MEIKIN: variants seen among roughly 807,000 people sequenced by gnomAD.
MEIKIN encodes the protein meiotic kinetochore factor, also known as meiosis-specific kinetochore protein.
chr5:131,907,401 A>C (rs1177358725), intron 8 of MEIKIN, among the ~76,000 whole-genome samples: 3 of 151,974 alleles, frequency 2.0e-5, no homozygotes, highest in South Asian at 4.2e-4. Context: ...TAAAAAAAAA[A>C]CTGACAAACC....
At chr5:131,943,289 T>C (rs1393077579) in intron 3 of MEIKIN, among the ~76,000 whole-genome samples, 1 of 152,164 alleles carries the variant, frequency 6.6e-6, no homozygotes, top group Non-Finnish European at 1.5e-5. Flanking sequence ...TTCATATATA[T>C]ACACACACAT....
intron 12 of MEIKIN, among the ~76,000 whole-genome samples, chr5:131,809,750 G>A (rs574565660): frequency 3.3e-5 from 5 of 150,710 alleles, no homozygotes; most frequent in Admixed American, 1.3e-4. Context: ...AGGTTGCAGT[G>A]AGCTGCCACT....
intron 12 of MEIKIN, among the ~76,000 whole-genome samples, chr5:131,811,617 T>C (rs1279893196): frequency 0.011 from 1 of 90 alleles, no homozygotes; most frequent in Non-Finnish European, 0.031. Context: ...AACTTCTTCT[T>C]TTTTTTTTTG....
intron 4 of MEIKIN, among the ~76,000 whole-genome samples, chr5:131,938,915 GAA>G (rs1382939680): frequency 6.6e-6 from 1 of 152,188 alleles, no homozygotes; most frequent in Admixed American, 6.5e-5. Flanking sequence ...GGATTTTACT[GAA>G]GAGTATTTAG....
chr5:131,894,700 T>C (rs1361368662), intron 8 of MEIKIN, among the ~76,000 whole-genome samples: 1 of 152,204 alleles, frequency 6.6e-6, no homozygotes, highest in African/African-American at 2.4e-5. Context: ...GCTCCCTGTT[T>C]GTCTGTTATT....
chr5:131,897,848 T>C (rs544045423), intron 8 of MEIKIN, among the ~76,000 whole-genome samples: 63 of 152,318 alleles, frequency 4.1e-4, no homozygotes, highest in Non-Finnish European at 7.2e-4. Context: ...GGTTAGAACA[T>C]GCTCCTTTAG....
intron 9 of MEIKIN, among the ~76,000 whole-genome samples, chr5:131,856,264 T>C (rs1369958591): frequency 3.9e-5 from 6 of 152,322 alleles, no homozygotes; most frequent in African/African-American, 1.4e-4. Context: ...AAAGAACCTA[T>C]GGTGTCTGGA....
chr5:131,865,739 T>C (rs1750372607), intron 9 of MEIKIN, among the ~76,000 whole-genome samples: 1 of 152,254 alleles, frequency 6.6e-6, no homozygotes, highest in Non-Finnish European at 1.5e-5. Flanking sequence ...CTAGAGCACA[T>C]TTGCTCTGAT....
chr5:131,871,976 T>C (rs1438323854), intron 9 of MEIKIN, among the ~76,000 whole-genome samples: 5 of 151,972 alleles, frequency 3.3e-5, no homozygotes, highest in Non-Finnish European at 7.4e-5. Flanking sequence ...AGGAAGGACA[T>C]CCACCCCAAA....
intron 6 of MEIKIN, among the ~76,000 whole-genome samples, chr5:131,917,359 C>T (rs889025271): frequency 8.6e-5 from 13 of 151,960 alleles, no homozygotes; most frequent in African/African-American, 2.4e-4. Flanking sequence ...TGAGGTCAGG[C>T]GTTCAAGACC....
intron 8 of MEIKIN, among the ~76,000 whole-genome samples, chr5:131,881,906 T>C (rs555379026): frequency 8.5e-4 from 130 of 152,308 alleles, no homozygotes; most frequent in African/African-American, 3.1e-3. Flanking sequence ...ATGTGTGTTC[T>C]TTCACAAAAC....
At chr5:131,901,240 A>C (rs1277431239) in intron 8 of MEIKIN, among the ~76,000 whole-genome samples, 1 of 152,124 alleles carries the variant, frequency 6.6e-6, no homozygotes, top group Non-Finnish European at 1.5e-5. Context: ...TGCCATTGGC[A>C]CAAAACTATA....
intron 11 of MEIKIN, among the ~76,000 whole-genome samples, chr5:131,842,506 TA>T (rs1323280488): frequency 6.6e-6 from 1 of 152,232 alleles, no homozygotes; most frequent in South Asian, 2.1e-4. Flanking sequence ...TTTTTATCAT[TA>T]AAAATTTTGG....
chr5:131,848,645 G>A lies in MEIKIN; in HGVS notation c.975+2619C>T, dbSNP rs139032230. On this transcript the variant is annotated intron_variant, in intron 11 of 12. Coordinates refer to ENST00000442687, the MANE Select transcript of MEIKIN (RefSeq NM_001303622.2). ...TCTCTAACTTTCCAAGAAGAGAAAGGAATGATTTGTAACTCATTCTATGAG... is the reference window on the plus strand; with the variant it reads ...TCTCTAACTTTCCAAGAAGAGAAAGAAATGATTTGTAACTCATTCTATGAG... Among the ~76,000 whole-genome samples the A allele has an allele frequency of 4.4e-3, 671 of 152,184 alleles. 12 individuals carry two copies. The highest frequency in any genetic ancestry group is 0.016 in the African/African-American group (652 of 41,522).
In MEIKIN at chr5:131,886,441, G is replaced by A. The variant is rs191708240; in HGVS notation, c.704-7393C>T. ...GAAAAAAGAAACACAACATACAATG[G>A]AGCTTCACTAGGAGCAGACTTTTCA... On this transcript the variant is annotated intron_variant, in intron 8 of 12. Coordinates refer to ENST00000442687, the MANE Select transcript of MEIKIN (RefSeq NM_001303622.2). Among the ~76,000 whole-genome samples the A allele has an allele frequency of 4.6e-5, 7 of 152,266 alleles. No homozygotes were observed. In the East Asian group the frequency reaches 1.4e-3, roughly 29 times the overall value.
chr5:131,876,939 T>C (rs1293171663), intron 9 of MEIKIN, among the ~76,000 whole-genome samples: 1 of 138,744 alleles, frequency 7.2e-6, no homozygotes, highest in Non-Finnish European at 1.5e-5. Context: ...AGGTGGGAAT[T>C]GAACAGTGAG....
chr5:131,870,889 C>T (rs1241830964), intron 9 of MEIKIN, among the ~76,000 whole-genome samples: 2 of 152,150 alleles, frequency 1.3e-5, no homozygotes, highest in African/African-American at 4.8e-5. Flanking sequence ...TAATTCCTTA[C>T]AGTGACAATC....
chr5:131,836,478 T>C (rs1444565674), intron 11 of MEIKIN, among the ~76,000 whole-genome samples: 1 of 152,228 alleles, frequency 6.6e-6, no homozygotes, highest in African/African-American at 2.4e-5. Context: ...GCCATAATGC[T>C]TTCCACAATG....
chr5:131,829,013 CAAT>C (rs1301938232), intron 11 of MEIKIN, among the ~76,000 whole-genome samples: 1 of 151,840 alleles, frequency 6.6e-6, no homozygotes, highest in Non-Finnish European at 1.5e-5. Context: ...AGGAAAAAGT[CAAT>C]AAAAATAAAA....
Sources: allele counts gnomAD v4.1 joint callset (sites outside exome capture counted in the v4.1 genomes callset), GRCh38; gene constraint gnomAD v4.1.1; transcripts MANE v1.5; gene names NCBI Gene and HGNC (gene_info 2026-07-23, HGNC 2026-07-21).